PSD3: variants seen among roughly 807,000 people sequenced by gnomAD.
The protein encoded by PSD3 is pleckstrin and Sec7 domain containing 3, also known as PH and SEC7 domain-containing protein 3.
In PSD3, 49 loss-of-function variants were observed where a neutral mutation model predicts 105.5. The observed-to-expected ratio is 0.46, with a 90% CI of 0.37 to 0.59. PSD3 has a LOEUF of 0.59. Ranked by LOEUF, PSD3 falls within the 20% of genes least tolerant of loss-of-function variation. The pLI, the probability that PSD3 is intolerant of heterozygous loss-of-function variation, is 0.00. For missense variants in PSD3, 1,561 were observed against 1,263.8 expected (o/e 1.24, Z -3.57); for synonymous variants, 557 against 457.8 (o/e 1.22, Z -2.77).
At chr8:18,539,348 TTC>T (rs1800021362) in intron 15 of PSD3, among the ~76,000 whole-genome samples, 1 of 152,166 alleles carries the variant, frequency 6.6e-6, no homozygotes, top group Non-Finnish European at 1.5e-5. Context: ...TCGCCTCATA[TTC>T]TCTTTCTGGG....
intron 1 of PSD3, among the ~76,000 whole-genome samples, chr8:19,033,953 G>T (rs2129476384): frequency 6.6e-6 from 1 of 152,194 alleles, no homozygotes; most frequent in South Asian, 2.1e-4. Flanking sequence ...GAGGGGTTAA[G>T]CAACAAGGTA....
chr8:19,068,810 C>A (rs962997299), intron 1 of PSD3, among the ~76,000 whole-genome samples: 1 of 151,250 alleles, frequency 6.6e-6, no homozygotes, highest in Non-Finnish European at 1.5e-5. Flanking sequence ...GTGCTTGGTG[C>A]TGCGATGTAC....
At chr8:18,665,805 C>A (rs1563155490) in intron 9 of PSD3, among the ~76,000 whole-genome samples, 2 of 152,154 alleles carry the variant, frequency 1.3e-5, no homozygotes, top group Admixed American at 1.3e-4. Context: ...GAGCTGTGAT[C>A]GTGCCACTGC....
At chr8:18,754,374 ACTCC>A (rs1805855847) in intron 9 of PSD3, among the ~76,000 whole-genome samples, 1 of 152,084 alleles carries the variant, frequency 6.6e-6, no homozygotes, top group Admixed American at 6.6e-5. Context: ...ACAGGGTGAG[ACTCC>A]ATCTCAAAAT....
At chr8:19,025,719 G>T (rs1586641857) in intron 1 of PSD3, among the ~76,000 whole-genome samples, 1 of 152,198 alleles carries the variant, frequency 6.6e-6, no homozygotes, top group African/African-American at 2.4e-5. Context: ...TAACTTGCGG[G>T]TATGACGCAA....
At chr8:18,660,382 A>G (rs899227177) in intron 9 of PSD3, among the ~76,000 whole-genome samples, 1 of 152,162 alleles carries the variant, frequency 6.6e-6, no homozygotes, top group Non-Finnish European at 1.5e-5. Flanking sequence ...GGCCTCTGCA[A>G]TTGTGAGAAT....
At chr8:18,621,234 C>G (rs764234932) in intron 11 of PSD3, among the ~76,000 whole-genome samples, 1 of 152,118 alleles carries the variant, frequency 6.6e-6, no homozygotes, top group Non-Finnish European at 1.5e-5. Context: ...ACAGCAAAAC[C>G]GCTTCTCTAC....
At chr8:19,039,129 C>G (rs1472732542) in intron 1 of PSD3, among the ~76,000 whole-genome samples, 2 of 152,130 alleles carry the variant, frequency 1.3e-5, no homozygotes, top group Non-Finnish European at 2.9e-5. Flanking sequence ...CTCGACGGAC[C>G]TTTTTTCCCT....
chr8:18,797,107 A>C (rs1162040632), intron 8 of PSD3, among the ~76,000 whole-genome samples: 1 of 152,158 alleles, frequency 6.6e-6, no homozygotes, highest in Non-Finnish European at 1.5e-5. Flanking sequence ...GAGGAGAAAG[A>C]TAGAAGAAAC....
chr8:18,775,775 G>C (rs1442728542), intron 8 of PSD3, among the ~76,000 whole-genome samples: 2 of 152,078 alleles, frequency 1.3e-5, no homozygotes, highest in African/African-American at 4.8e-5. Context: ...CCATTCTGTA[G>C]CTTGTATCTT....
chr8:18,601,326 A>G (rs1804425684), intron 11 of PSD3, among the ~76,000 whole-genome samples: 1 of 151,876 alleles, frequency 6.6e-6, no homozygotes, highest in South Asian at 2.1e-4. Flanking sequence ...TTGCTTGAAT[A>G]TCATTTTTCT....
At chr8:18,698,633 T>C (rs1801398857) in intron 9 of PSD3, among the ~76,000 whole-genome samples, 1 of 152,158 alleles carries the variant, frequency 6.6e-6, no homozygotes, top group Admixed American at 6.5e-5. Flanking sequence ...CTTCTGACCT[T>C]CAGACCTATG....
At chr8:18,610,381 T>G (rs980991836) in intron 11 of PSD3, among the ~76,000 whole-genome samples, 2 of 152,188 alleles carry the variant, frequency 1.3e-5, no homozygotes, top group East Asian at 3.9e-4. Context: ...GTGTTCGAAC[T>G]GTATTCAAAT....
At chr8:18,832,666 A>G (rs187676839) in intron 4 of PSD3, among the ~76,000 whole-genome samples, 135 of 152,340 alleles carry the variant, frequency 8.9e-4, no homozygotes, top group Non-Finnish European at 1.6e-3. Flanking sequence ...AGACTGGGCA[A>G]TTTATAAAGG....
chr8:18,568,877 C>T (rs1352661380), intron 14 of PSD3, among the ~76,000 whole-genome samples: 3 of 150,592 alleles, frequency 2.0e-5, no homozygotes, highest in Admixed American at 6.7e-5. Context: ...CCACAACAGT[C>T]CCCAGAGGGT....
chr8:18,648,907 C>T (rs1055068649), intron 10 of PSD3, among the ~76,000 whole-genome samples: 4 of 152,240 alleles, frequency 2.6e-5, no homozygotes, highest in Admixed American at 6.5e-5. Flanking sequence ...TTCCACATGG[C>T]GTTAAGCCTA....
At chr8:18,673,091 C>T (rs528689261) in intron 9 of PSD3, among the ~76,000 whole-genome samples, 9 of 152,070 alleles carry the variant, frequency 5.9e-5, no homozygotes. Context: ...TCAAAAGTCA[C>T]CTCTTTCAAT....
At chr8:18,971,050 T>C (rs183760119) in intron 1 of PSD3, among the ~76,000 whole-genome samples, 4 of 151,622 alleles carry the variant, frequency 2.6e-5, no homozygotes, top group African/African-American at 9.7e-5. Context: ...AGGGAATGCA[T>C]TCCTTAATGA....
intron 9 of PSD3, among the ~76,000 whole-genome samples, chr8:18,724,509 AAGCTG>A (rs1803212719): frequency 6.6e-6 from 1 of 152,148 alleles, no homozygotes; most frequent in African/African-American, 2.4e-5. Context: ...ACTTGAGAAG[AAGCTG>A]AGGCAGGAGG....
Sources: allele counts gnomAD v4.1 joint callset (sites outside exome capture counted in the v4.1 genomes callset), GRCh38; gene constraint gnomAD v4.1.1; transcripts MANE v1.5; gene names NCBI Gene and HGNC (gene_info 2026-07-23, HGNC 2026-07-21).